CAPN1: variants seen among roughly 807,000 people sequenced by gnomAD.
CAPN1 encodes calpain-1 catalytic subunit.
Under a neutral mutation model 105.2 loss-of-function variants are expected in CAPN1, and 77 were observed. That is an observed-to-expected ratio of 0.73 (90% confidence interval 0.61 to 0.88). The LOEUF (loss-of-function observed/expected upper bound fraction) is 0.88, where lower values mean the gene tolerates loss of function less well. Among genes scored for constraint, CAPN1 ranks in the 40% least tolerant of loss-of-function variants. The probability of loss-of-function intolerance (pLI) is 0.00; values close to 1 mark genes in which losing one functional copy is unlikely to be tolerated. For synonymous variants in CAPN1, 355 were observed against 388.8 expected (o/e 0.91, Z 1.02); for missense variants, 833 against 976.6 (o/e 0.85, Z 1.96).
chr11:65,188,366 C>A lies in CAPN1; in HGVS notation c.930-48C>A. ...GTAGACAGGCCCCAGGGACAGAGGCCAGGCAGGTCAGTGCCCACCAGCCCT... is the reference window on the plus strand; with the variant it reads ...GTAGACAGGCCCCAGGGACAGAGGCAAGGCAGGTCAGTGCCCACCAGCCCT... On this transcript the variant is annotated intron_variant, in intron 8 of 21. Transcript: ENST00000279247. The surrounding 1 kb of genome is among the most constrained non-coding windows in gnomAD (Gnocchi z 5.5). 6.5e-7 allele frequency: 1 copy of A among 1,530,116 alleles called. No homozygotes were observed. The highest frequency in any genetic ancestry group is 2.4e-5 in the East Asian group (1 of 42,432). The allele number at this position is 1,530,116 out of a possible 1,614,324, so 94.8% of individuals were successfully genotyped here.
intron 10 of CAPN1, among the ~76,000 whole-genome samples, chr11:65,190,168 G>A (rs1281315817): frequency 6.6e-6 from 1 of 152,054 alleles, no homozygotes; most frequent in Non-Finnish European, 1.5e-5. Context: ...CAACCCTCTC[G>A]ACCCCACTTC....
At chr11:65,193,998 A>C (rs1590856010) in intron 10 of CAPN1, among the ~76,000 whole-genome samples, 1 of 113,522 alleles carries the variant, frequency 8.8e-6, no homozygotes, top group Non-Finnish European at 1.7e-5. Flanking sequence ...AGATAGTCTC[A>C]CTCTGTCACC....
intron 6 of CAPN1, 23 bp from the exon 7 acceptor site, chr11:65,187,192 A>C: frequency 6.3e-7 from 1 of 1,597,346 alleles, no homozygotes; most frequent in South Asian, 1.1e-5. Flanking sequence ...GCCACTGACC[A>C]CAGTGTGTGC....
chr11:65,204,987 A>C (rs1948933411), intron 11 of CAPN1, 129 bp downstream of exon 11: 14 of 706,344 alleles, frequency 2.0e-5, no homozygotes, highest in Admixed American at 2.9e-5. Flanking sequence ...ATTCCCCTCC[A>C]CTCCCCCCAC....
chr11:65,186,494 C>T (rs1187203923), intron 6 of CAPN1, among the ~76,000 whole-genome samples, 156 bp downstream of exon 6: 1 of 152,066 alleles, frequency 6.6e-6, no homozygotes, highest in African/African-American at 2.4e-5. Context: ...ATCACTTCCA[C>T]CCCCCATGCC....
chr11:65,209,945 T>C lies in CAPN1; in HGVS notation c.1863+28T>C, dbSNP rs1949019641. On this transcript the variant is annotated intron_variant, in intron 18 of 21. Transcript: ENST00000279247. This position sits in a 1 kb window ranked among gnomAD's most constrained non-coding sequence, Gnocchi z 4.1. ...AGGTTGTCCCCACTCACCTCAGTCA[T>C]GCAGGTGCGGGCCGGGCAGGTGGGA... 2 of 1,612,160 alleles carry C rather than the reference T, an allele frequency of 1.2e-6. No homozygotes were observed. The highest frequency in any genetic ancestry group is 1.1e-5 in the South Asian group (1 of 91,066).
chr11:65,183,278 C>A, intron 3 of CAPN1, 81 bp downstream of exon 3: 2 of 1,373,622 alleles, frequency 1.5e-6, no homozygotes, highest in Non-Finnish European at 2.1e-6. Flanking sequence ...CTGCCCCAAC[C>A]CCTCCCTCTT....
At chr11:65,201,630 G>T (rs1948870955) in intron 10 of CAPN1, among the ~76,000 whole-genome samples, 1 of 151,802 alleles carries the variant, frequency 6.6e-6, no homozygotes, top group Non-Finnish European at 1.5e-5. Context: ...CCATTCTCCT[G>T]CCTCAGCCTC....
intron 13 of CAPN1, 34 bp from the exon 14 acceptor site, chr11:65,206,746 T>C (rs1272331724): frequency 1.2e-6 from 2 of 1,612,076 alleles, no homozygotes; most frequent in Admixed American, 3.3e-5. Flanking sequence ...GCTGTCCCCC[T>C]CTGACTGGCT....
chr11:65,181,642 C>A (rs1948531838), upstream of CAPN1: 6 of 378,320 alleles, frequency 1.6e-5, no homozygotes, highest in African/African-American at 2.2e-5. The surrounding 1 kb of genome is among the most constrained non-coding windows in gnomAD (Gnocchi z 4.6). Context: ...CCCTCCGTTC[C>A]CCGCGGTGCC....
In CAPN1 at chr11:65,208,597, G is replaced by A. The variant is rs529719384; in HGVS notation, c.1729+335G>A. 864 of 410,490 alleles carry A rather than the reference G, an allele frequency of 2.1e-3. 16 individuals carry two copies. Among genetic ancestry groups the A allele is most frequent in the South Asian group, 0.019 (823 of 43,468 alleles). 25.4% of individuals were successfully genotyped at this position (410,490 alleles called of 1,614,324 possible). A position where few individuals can be genotyped will look rare whatever the true frequency, so the allele number is the denominator to read the frequency against. On this transcript the variant is annotated intron_variant, in intron 16 of 21. Transcript: ENST00000279247. The surrounding 1 kb of genome is among the most constrained non-coding windows in gnomAD (Gnocchi z 4.1). ...GTTCAACACCAGCCTGGACAATATGGAGAGACCCTGTCTCTGCAAAAAAGT... is the reference window on the plus strand; with the variant it reads ...GTTCAACACCAGCCTGGACAATATGAAGAGACCCTGTCTCTGCAAAAAAGT...
intron 10 of CAPN1, among the ~76,000 whole-genome samples, chr11:65,198,328 G>A (rs1395766822): frequency 6.6e-6 from 1 of 151,844 alleles, no homozygotes; most frequent in Non-Finnish European, 1.5e-5. Flanking sequence ...CACTTTTTTG[G>A]TAGAGATGGG....
chr11:65,187,829 T>C, intron 7 of CAPN1, 126 bp from the exon 8 acceptor site: 1 of 652,196 alleles, frequency 1.5e-6, no homozygotes, highest in South Asian at 1.6e-5. Context: ...GAGGCGGAGG[T>C]TGCAGTGAGC....
At chr11:65,206,346 C>A in intron 12 of CAPN1, 117 bp from the exon 13 acceptor site, 1 of 759,970 alleles carries the variant, frequency 1.3e-6, no homozygotes, top group South Asian at 1.6e-5. Flanking sequence ...GTGAGCCATG[C>A]CCCAGCTCTC....
chr11:65,185,769 A>T, intron 4 of CAPN1, 148 bp from the exon 5 acceptor site: 1 of 758,904 alleles, frequency 1.3e-6, no homozygotes, highest in Non-Finnish European at 2.1e-6. Flanking sequence ...GTATACATCT[A>T]GTATGTATCT....
chr11:65,201,829 T>C (rs1452252054), intron 10 of CAPN1, among the ~76,000 whole-genome samples: 1 of 142,478 alleles, frequency 7.0e-6, no homozygotes, highest in African/African-American at 2.6e-5. Flanking sequence ...TTGTTTTTGT[T>C]TTTTTTTTTT....
At chr11:65,197,177 A>G (rs1948803075) in intron 10 of CAPN1, among the ~76,000 whole-genome samples, 1 of 151,304 alleles carries the variant, frequency 6.6e-6, no homozygotes, top group Admixed American at 6.6e-5. Context: ...ATAATTGTCC[A>G]TTATATCAAA....
rs1256806317 is a variant in CAPN1, at chr11:65,188,406, C to T, written c.930-8C>T. 4.4e-6 allele frequency: 7 copies of T among 1,607,152 alleles called. No individual in the cohort carries two copies. Among genetic ancestry groups the T allele is most frequent in the Non-Finnish European group, 5.9e-6 (7 of 1,176,900 alleles). ...CCACCAGCCCTGGCAGAGCCCTGCT[C>T]CTCACAGCTCCTCAGAGTGGAACAA... On this transcript the variant is annotated splice_region_variant and splice_polypyrimidine_tract_variant and intron_variant, in intron 8 of 21. Transcript: ENST00000279247. The surrounding 1 kb of genome is among the most constrained non-coding windows in gnomAD (Gnocchi z 5.5).
At chr11:65,187,170 CG>C (rs771342803) in intron 6 of CAPN1, 44 bp from the exon 7 acceptor site, 81 of 1,417,188 alleles carry the variant, frequency 5.7e-5, no homozygotes, top group Non-Finnish European at 7.4e-5. Flanking sequence ...TCTGATAGGG[CG>C]GGGGGACCTA....
Sources: gnomAD v4.1 joint callset for allele counts (sites outside exome capture counted in the v4.1 genomes callset) on GRCh38, gnomAD v4.1.1 for gene constraint, Gnocchi (gnomAD v3.1) non-coding constraint, MANE v1.5 for transcripts, NCBI Gene and HGNC (gene_info 2026-07-23, HGNC 2026-07-21) for gene names.